The following GSDME variants were observed in gnomAD, a reference collection of about 807,000 sequenced individuals.
The protein encoded by GSDME is gasdermin E.
A neutral mutation model predicts 47.5 loss-of-function variants in GSDME; 44 were observed. That is an observed-to-expected ratio of 0.93 (90% CI 0.73 to 1.19). The LOEUF is 1.19. Ranked by LOEUF, GSDME falls within the 50% of genes most tolerant of loss-of-function variation. The pLI, the probability that GSDME is intolerant of heterozygous loss-of-function variation, is 0.00. For missense variants in GSDME, 663 were observed against 604.2 expected (o/e 1.10, Z -1.02); for synonymous variants, 258 against 252.8 (o/e 1.02, Z -0.20).
intron 5 of GSDME, among the ~76,000 whole-genome samples, chr7:24,710,758 GATA>G (rs1219347431): frequency 6.6e-6 from 1 of 152,144 alleles, no homozygotes; most frequent in African/African-American, 2.4e-5. Context: ...TCTGAACACT[GATA>G]ATATTTTAAA....
Position 24,702,909 on chromosome 7 carries a change from C to CTAACTTA in GSDME, c.1184-83_1184-77dup. 3.1e-6 allele frequency: 4 copies of CTAACTTA among 1,287,066 alleles called. No homozygotes were observed. In the Admixed American group the frequency reaches 6.9e-5, roughly 22 times the overall value. 79.7% of individuals were successfully genotyped at this position (1,287,066 alleles called of 1,614,324 possible). On this transcript the variant is annotated intron_variant, in intron 8 of 9. Transcript: ENST00000645220. ...AACAGAGCCAGCCCCTGGATGGCAC[C>CTAACTTA]TAACTTATATTTTAGTACTTTCCCG...
chr7:24,730,883 C>G (rs1299505468), intron 3 of GSDME, among the ~76,000 whole-genome samples: 1 of 152,066 alleles, frequency 6.6e-6, no homozygotes, highest in East Asian at 1.9e-4. Flanking sequence ...AAGACTAAAA[C>G]CACTCCCAAG....
the GSDME span, among the ~76,000 whole-genome samples, chr7:24,789,072 A>G: frequency 1.3e-5 from 2 of 152,204 alleles, no homozygotes; most frequent in African/African-American, 2.4e-5. Context: ...ACTTTATGTC[A>G]GTAACTCTGC....
the GSDME span, among the ~76,000 whole-genome samples, chr7:24,781,948 G>A: frequency 6.6e-6 from 1 of 152,028 alleles, no homozygotes; most frequent in Non-Finnish European, 1.5e-5. Context: ...GTCTTGCTAT[G>A]TTGCCCAGGC....
In GSDME at chr7:24,744,082, C is replaced by A. The variant is rs938245291; in HGVS notation, c.404+480G>T. On this transcript the variant is annotated intron_variant, in intron 3 of 9. Coordinates refer to ENST00000645220, the MANE Select transcript of GSDME (RefSeq NM_001127453.2). The surrounding 1 kb of genome is among the most constrained non-coding windows in gnomAD (Gnocchi z 4.5). ...CTATAGTGTGGTAAGATGTATTTAC[C>A]GAAAGCCAAACAATGAATAAATGTG... 9.3e-6 allele frequency: 2 copies of A among 215,128 alleles called. No homozygotes were observed. The highest frequency in any genetic ancestry group is 1.5e-4 in the South Asian group (2 of 13,104). The allele number at this position is 215,128 out of a possible 1,614,324, so 13.3% of individuals were successfully genotyped here.
At chr7:24,706,428 A>G in intron 7 of GSDME, 52 bp from the exon 8 acceptor site, 1 of 1,566,042 alleles carries the variant, frequency 6.4e-7, no homozygotes, top group South Asian at 1.1e-5. Context: ...ACCAAGCGCC[A>G]CAGCTGGGGC....
At chr7:24,702,426 A>G (rs1048367398) in intron 9 of GSDME, 4 of 359,750 alleles carry the variant, frequency 1.1e-5, no homozygotes, top group African/African-American at 2.1e-5. Context: ...TGCAAATAAT[A>G]TGGTGTCAGG....
Position 24,707,963 on chromosome 7 carries a change from G to A in GSDME, c.990+164C>T, listed in dbSNP as rs1405504388. ...TAACACCTCCCTCCACCCGATGCCA[G>A]CTACCTGTCTGCACTTAGAAAACGC... On this transcript the variant is annotated intron_variant, in intron 7 of 9. Transcript: ENST00000645220. The A allele has an allele frequency of 8.8e-6, 7 of 791,996 alleles. No homozygotes were observed. In the African/African-American group the frequency reaches 1.0e-4, roughly 12 times the overall value. The allele number at this position is 791,996 out of a possible 1,614,324, so 49.1% of individuals were successfully genotyped here.
At chr7:24,762,018 C>G (rs1017242716), upstream of GSDME, among the ~76,000 whole-genome samples, 2 of 152,024 alleles carry the variant, frequency 1.3e-5, no homozygotes, top group Admixed American at 1.3e-4. Context: ...CTTTGAGAGG[C>G]TGAGGTGGGT....
At chr7:24,708,082 G>GAAAACCC in intron 7 of GSDME, 45 bp downstream of exon 7, 2 of 1,611,460 alleles carry the variant, frequency 1.2e-6, no homozygotes, top group Non-Finnish European at 1.7e-6. Flanking sequence ...CCCTGTTCCA[G>GAAAACCC]AAAACCCCAG....
At chr7:24,707,817 C>T in intron 7 of GSDME, 1 of 537,620 alleles carries the variant, frequency 1.9e-6, no homozygotes, top group Non-Finnish European at 3.3e-6. Flanking sequence ...TCTCCTAGAT[C>T]CTCTGGGGGA....
chr7:24,702,953 T>G (rs889117899), intron 8 of GSDME, 120 bp from the exon 9 acceptor site: 1 of 786,024 alleles, frequency 1.3e-6, no homozygotes, highest in South Asian at 1.4e-5. Flanking sequence ...GCAGGGGAGG[T>G]ACTCAGCAGT....
chr7:24,707,021 G>C (rs2128048148), intron 7 of GSDME, among the ~76,000 whole-genome samples: 1 of 152,338 alleles, frequency 6.6e-6, no homozygotes, highest in East Asian at 1.9e-4. Flanking sequence ...GTTATTTTCG[G>C]AAGTAGAAGT....
chr7:24,738,908 G>A (rs1790396255), intron 3 of GSDME, among the ~76,000 whole-genome samples: 1 of 152,180 alleles, frequency 6.6e-6, no homozygotes, highest in Non-Finnish European at 1.5e-5. Context: ...AATAAATGGT[G>A]CTGAGAAAAC....
Position 24,721,500 on chromosome 7 carries a change from C to T in GSDME, c.405-2282G>A, listed in dbSNP as rs776042594. Among the ~76,000 whole-genome samples, 1 of 152,200 alleles carries T rather than the reference C, an allele frequency of 6.6e-6. No homozygotes were observed. Among genetic ancestry groups the T allele is most frequent in the Non-Finnish European group, 1.5e-5 (1 of 68,026 alleles). On this transcript the variant is annotated intron_variant, in intron 3 of 9. Transcript: ENST00000645220. The surrounding 1 kb of genome is among the most constrained non-coding windows in gnomAD (Gnocchi z 4.1). ...CTCGAGTGAAGGGCCACCTCTGCAC[C>T]TAGGTTTTCTCGTGCATGAACTGTT...
intron 3 of GSDME, among the ~76,000 whole-genome samples, chr7:24,731,048 G>T (rs899146973): frequency 5.3e-5 from 8 of 152,182 alleles, no homozygotes; most frequent in African/African-American, 1.9e-4. Context: ...TAAATTGGCA[G>T]AATTTCAGAT....
chr7:24,769,580 C>T, the GSDME span, among the ~76,000 whole-genome samples: 1 of 152,078 alleles, frequency 6.6e-6, no homozygotes, highest in Non-Finnish European at 1.5e-5. Flanking sequence ...AGTTTCACAG[C>T]CCAGGACATA....
chr7:24,715,585 A>G (rs772132649), intron 5 of GSDME: 8 of 450,890 alleles, frequency 1.8e-5, no homozygotes, highest in South Asian at 1.2e-4. Flanking sequence ...TAGAAACCCA[A>G]AAGTGCAGAT....
In GSDME at chr7:24,721,854, C is replaced by T. The variant is rs1041520081; in HGVS notation, c.405-2636G>A. On this transcript the variant is annotated intron_variant, in intron 3 of 9. Coordinates refer to ENST00000645220, the MANE Select transcript of GSDME (RefSeq NM_001127453.2). This position sits in a 1 kb window ranked among gnomAD's most constrained non-coding sequence, Gnocchi z 4.1. ...GCCCCCTGTTGACTTTATCTTCCAGCCTTCTTACTACTCCTTAAAAATGCC... is the reference window on the plus strand; with the variant it reads ...GCCCCCTGTTGACTTTATCTTCCAGTCTTCTTACTACTCCTTAAAAATGCC... 6.6e-6 allele frequency among the ~76,000 whole-genome samples: 1 copy of T among 152,214 alleles called. No individual in the cohort carries two copies. The highest frequency in any genetic ancestry group is 6.5e-5 in the Admixed American group (1 of 15,278).
Sources: allele counts gnomAD v4.1 joint callset (sites outside exome capture counted in the v4.1 genomes callset), GRCh38; gene constraint gnomAD v4.1.1; non-coding constraint Gnocchi (gnomAD v3.1); transcripts MANE v1.5; gene names NCBI Gene and HGNC (gene_info 2026-07-23, HGNC 2026-07-21).